Variants in RGS9 observed in about 807,000 individuals in gnomAD.
RGS9 encodes the protein regulator of G protein signaling 9, also known as regulator of G-protein signalling 9.
Under a neutral mutation model 102.0 loss-of-function variants are expected in RGS9, and 78 were observed. The observed-to-expected ratio is 0.76, with a 90% CI of 0.64 to 0.92. The LOEUF (loss-of-function observed/expected upper bound fraction) is 0.92, where lower values mean the gene tolerates loss of function less well. Among genes scored for constraint, RGS9 ranks in the 40% least tolerant of loss-of-function variants. The probability of loss-of-function intolerance (pLI) is 0.00; values close to 1 mark genes in which losing one functional copy is unlikely to be tolerated. For missense variants in RGS9, 833 were observed against 866.1 expected, an observed-to-expected ratio of 0.96 and a Z score of 0.48; for synonymous variants, 353 against 318.6, an observed-to-expected ratio of 1.11 and a Z score of -1.15.
intron 12 of RGS9, among the ~76,000 whole-genome samples, chr17:65,195,124 G>A (rs776793430): frequency 9.2e-5 from 14 of 152,170 alleles, no homozygotes; most frequent in African/African-American, 2.2e-4. Context: ...GCCTCCCAGC[G>A]TACTGAATGA....
intron 8 of RGS9, among the ~76,000 whole-genome samples, chr17:65,177,282 A>G (rs1300626714): frequency 6.7e-6 from 1 of 148,672 alleles, no homozygotes; most frequent in Non-Finnish European, 1.5e-5. Flanking sequence ...CTTTCCTGCC[A>G]CCCATCCAAC....
At chr17:65,174,691 TGCATGTATGTGA>T (rs1395205862) in intron 8 of RGS9, among the ~76,000 whole-genome samples, 1 of 152,182 alleles carries the variant, frequency 6.6e-6, no homozygotes. Flanking sequence ...CATATGTGTG[TGCATGTATGTGA>T]GCATGTTTTT....
At chr17:65,217,487 T>TATTGAGTGGGTGA (rs1913559847) in intron 17 of RGS9, among the ~76,000 whole-genome samples, 1 of 152,076 alleles carries the variant, frequency 6.6e-6, no homozygotes, top group African/African-American at 2.4e-5. Context: ...TCACTGGGGA[T>TATTGAGTGGGTGA]TTTGAGTGGG....
intron 13 of RGS9, among the ~76,000 whole-genome samples, chr17:65,200,834 C>T (rs1215019274): frequency 6.6e-6 from 1 of 151,748 alleles, no homozygotes; most frequent in African/African-American, 2.4e-5. Context: ...ACTGCATAGC[C>T]TAGAAATAGA....
rs745512381 is a variant in RGS9, at chr17:65,138,976, C to CGCCATCCCCTCCTACATCCT, written c.57+1379_57+1380insGCCATCCCCTCCTACATCCT. 2.3e-5 allele frequency among the ~76,000 whole-genome samples: 2 copies of CGCCATCCCCTCCTACATCCT among 87,852 alleles called. 1 individual carries two copies. Among genetic ancestry groups the CGCCATCCCCTCCTACATCCT allele is most frequent in the Non-Finnish European group, 5.2e-5 (2 of 38,704 alleles). The allele number at this position is 87,852 out of a possible 152,430, so 57.6% of individuals were successfully genotyped here. ...CTCCCCAGCCACCCCTCCTCCACCC[C>CGCCATCCCCTCCTACATCCT]AGCATCCCCTCCTCCACCCCAGCAT... On this transcript the variant is annotated intron_variant, in intron 1 of 18. Transcript: ENST00000262406.
At chr17:65,153,592 G>A in intron 2 of RGS9, 74 bp downstream of exon 2, 1 of 1,280,772 alleles carries the variant, frequency 7.8e-7, no homozygotes, top group Non-Finnish European at 1.1e-6. Context: ...TCCTGTGTTT[G>A]TAAAAAACTT....
chr17:65,225,214 G>T lies in RGS9; in HGVS notation c.1620G>T (p.Gly540=). ...GCTCATCGGGCTTGGAGCAGAAAGG[G>T]GAGTGCAGCGGGTCCATGGCCCCCC... ...LESSSGLEQK[G]ECSGSMAPRG... is the part of the protein sequence containing the mutation. Residue 540 remains glycine (G), a synonymous_variant, in exon 18 of 19, where the codon GGG becomes GGT. Transcript: ENST00000262406. The T allele has an allele frequency of 6.2e-7, 1 of 1,612,606 alleles. No homozygotes were observed.
In RGS9 at chr17:65,202,031, A is replaced by G. The variant is rs1034157082; in HGVS notation, c.1015A>G (p.Lys339Glu). The part of the protein sequence containing the change: ...LGFWEACEDL[K>E]YGDQSKVKEK... ...ATTCTGGGAAGCCTGCGAGGATCTG[A>G]AGTATGGAGATCAGTCCAAAGTCAA... is the stretch of plus-strand genomic sequence containing the variant. The change falls in exon 14 of 19, where the codon AAG becomes GAG. Residue 339 changes from lysine (K) to glutamate (E), a missense_variant. Lys to Glu is a moderately conservative substitution (Grantham distance 56, BLOSUM62 1). This residue lies in a region of RGS9 where 185 missense variants were observed against 248.7 expected (regional missense o/e 0.74). Coordinates refer to ENST00000262406, the MANE Select transcript of RGS9 (RefSeq NM_003835.4). The G allele has an allele frequency of 1.2e-5, 19 of 1,613,666 alleles. No individual in the cohort carries two copies. The highest frequency in any genetic ancestry group is 1.5e-5 in the Non-Finnish European group (18 of 1,179,770).
intron 1 of RGS9, among the ~76,000 whole-genome samples, chr17:65,146,578 T>A (rs1420686741): frequency 8.1e-6 from 1 of 123,008 alleles, no homozygotes; most frequent in African/African-American, 3.7e-5. Flanking sequence ...AGAGCAAGAC[T>A]GTCTCAAAAA....
At chr17:65,157,734 G>A (rs939842222) in intron 2 of RGS9, among the ~76,000 whole-genome samples, 11 of 152,082 alleles carry the variant, frequency 7.2e-5, no homozygotes, top group Non-Finnish European at 1.6e-4. Flanking sequence ...TGTCATGGAA[G>A]GCCAGGTTCA....
chr17:65,225,226 G>T lies in RGS9; in HGVS notation c.1632G>T (p.Gly544=). 6.2e-7 allele frequency: 1 copy of T among 1,611,926 alleles called. No homozygotes were observed. Among genetic ancestry groups the T allele is most frequent in the Non-Finnish European group, 8.5e-7 (1 of 1,180,006 alleles). The change falls in exon 18 of 19, where the codon GGG becomes GGT. Residue 544 remains glycine, a synonymous_variant. Coordinates refer to ENST00000262406, the MANE Select transcript of RGS9 (RefSeq NM_003835.4). The part of the protein sequence containing the change: ...SGLEQKGECS[G]SMAPRGPSVT... ...TGGAGCAGAAAGGGGAGTGCAGCGGGTCCATGGCCCCCCGTGGGCCCTCTG... is the reference window on the plus strand; with the variant it reads ...TGGAGCAGAAAGGGGAGTGCAGCGGTTCCATGGCCCCCCGTGGGCCCTCTG...
intron 6 of RGS9, among the ~76,000 whole-genome samples, chr17:65,162,035 C>T (rs1048601918): frequency 5.9e-5 from 9 of 152,022 alleles, no homozygotes; most frequent in African/African-American, 2.2e-4. Context: ...TTCAGAAAGG[C>T]CGGTTTATCT....
intron 9 of RGS9, among the ~76,000 whole-genome samples, chr17:65,181,019 G>T (rs977458790): frequency 3.9e-5 from 6 of 152,158 alleles, no homozygotes; most frequent in Admixed American, 1.3e-4. Flanking sequence ...TGGTATATAT[G>T]TACCACATTT....
rs940088940 is a variant in RGS9 at position 65,173,368 on chromosome 17, G to A, written c.583-4364G>A. 6.6e-6 allele frequency among the ~76,000 whole-genome samples: 1 copy of A among 151,322 alleles called. No homozygotes were observed. The highest frequency in any genetic ancestry group is 1.5e-5 in the Non-Finnish European group (1 of 67,808). ...GAGAGAAGGAGGGGCAGGGGGACAC[G>A]GTGGAGTACCACCGAGAAGTGTCCG... is the stretch of plus-strand genomic sequence containing the variant. On this transcript the variant is annotated intron_variant, in intron 8 of 18. Transcript: ENST00000262406. The surrounding 1 kb of genome is among the most constrained non-coding windows in gnomAD (Gnocchi z 4.8).
intron 8 of RGS9, among the ~76,000 whole-genome samples, chr17:65,171,778 C>T (rs1331334443): frequency 1.3e-5 from 2 of 152,182 alleles, no homozygotes; most frequent in African/African-American, 2.4e-5. Context: ...ATGTTTCTCA[C>T]CTGTTTTTTA....
intron 7 of RGS9, among the ~76,000 whole-genome samples, chr17:65,167,284 C>G (rs1911225554): frequency 6.6e-6 from 1 of 152,106 alleles, no homozygotes; most frequent in Admixed American, 6.5e-5. Context: ...TCACTGCAAC[C>G]TCTGCCTCCC....
At position 65,168,274 on chromosome 17, in the gene RGS9, G is replaced by A. The variant is rs747550419; in HGVS notation, c.575G>A (p.Arg192Gln). ...CQEKAYWLVH[R>Q]CPPGMDNVLD... ...GAGAAGGCATACTGGCTGGTGCACCGATGCCCTGTGAGTATCCTCCTGCCT... is the reference window on the plus strand; with the variant it reads ...GAGAAGGCATACTGGCTGGTGCACCAATGCCCTGTGAGTATCCTCCTGCCT... The change falls in exon 8 of 19, where the codon CGA becomes CAA. Residue 192 changes from arginine to glutamine, a missense_variant. Coordinates refer to ENST00000262406, the MANE Select transcript of RGS9 (RefSeq NM_003835.4). The A allele has an allele frequency of 5.0e-6, 8 of 1,604,956 alleles. No individual in the cohort carries two copies. Among genetic ancestry groups the A allele is most frequent in the East Asian group, 4.5e-5 (2 of 44,666 alleles).
In RGS9 at chr17:65,193,624, T is replaced by G; in HGVS notation, c.828T>G (p.Asp276Glu). The G allele has an allele frequency of 6.2e-7, 1 of 1,613,694 alleles. No homozygotes were observed. Among genetic ancestry groups the G allele is most frequent in the Non-Finnish European group, 8.5e-7 (1 of 1,179,542 alleles). ...GCLPSNPWIT[D>E]DTQFWDLNAK... Reference sequence around the variant, plus strand: ...TCCCCAGCAACCCCTGGATCACCGATGACACCCAGTTCTGGGACTTAAATG... The same window carrying G: ...TCCCCAGCAACCCCTGGATCACCGAGGACACCCAGTTCTGGGACTTAAATG... Residue 276 changes from aspartate (D) to glutamate (E), a missense_variant, in exon 12 of 19, where the codon GAT becomes GAG. Asp to Glu is a conservative substitution (Grantham distance 45). Around this residue, in one of 3 missense-constraint regions of RGS9, gnomAD observed 328 missense variants for 340.6 expected, o/e 0.96. Coordinates refer to ENST00000262406, the MANE Select transcript of RGS9 (RefSeq NM_003835.4).
intron 18 of RGS9, 63 bp from the exon 19 acceptor site, chr17:65,227,212 T>G: frequency 6.2e-7 from 1 of 1,608,260 alleles, no homozygotes; most frequent in South Asian, 1.1e-5. Flanking sequence ...CAGGATGATT[T>G]GGGGAGGTGC....
Sources: gnomAD v4.1 joint callset for allele counts (sites outside exome capture counted in the v4.1 genomes callset) on GRCh38, gnomAD v4.1.1 for gene constraint, gnomAD v4.1.1 regional missense constraint, Gnocchi (gnomAD v3.1) non-coding constraint, MANE v1.5 for transcripts, NCBI Gene and HGNC (gene_info 2026-07-23, HGNC 2026-07-21) for gene names.